Variants in PDE8B observed in about 807,000 individuals in gnomAD.
PDE8B encodes the protein phosphodiesterase 8B.
A neutral mutation model predicts 101.3 loss-of-function variants in PDE8B; 26 were observed. The observed-to-expected ratio is 0.26, with a 90% CI of 0.19 to 0.36. PDE8B has a LOEUF of 0.36. PDE8B is among the 10% of genes least tolerant of loss of function. The probability of loss-of-function intolerance (pLI) is 1.00; values close to 1 mark genes in which losing one functional copy is unlikely to be tolerated. For synonymous variants in PDE8B, 424 were observed against 429.3 expected, an observed-to-expected ratio of 0.99 and a Z score of 0.15; for missense variants, 810 against 1,163.1, an observed-to-expected ratio of 0.70 and a Z score of 4.42.
intron 1 of PDE8B, among the ~76,000 whole-genome samples, chr5:77,306,542 C>T (rs977373400): frequency 2.6e-5 from 4 of 152,158 alleles, no homozygotes; most frequent in African/African-American, 9.7e-5. Flanking sequence ...AGGGCAAGGG[C>T]GTTGGAGCAG....
chr5:77,159,373 A>C, the PDE8B span, among the ~76,000 whole-genome samples: 3 of 152,204 alleles, frequency 2.0e-5, no homozygotes, highest in Admixed American at 2.0e-4. Context: ...GCCAGCAGAT[A>C]TAAAGCAGGC....
At chr5:77,240,190 A>G (rs940198184) in intron 1 of PDE8B, among the ~76,000 whole-genome samples, 3 of 151,744 alleles carry the variant, frequency 2.0e-5, no homozygotes, top group Admixed American at 1.3e-4. Context: ...GTCTCGCTCT[A>G]TTGCCCAGGC....
chr5:77,407,747 T>C (rs1312131749), intron 13 of PDE8B, among the ~76,000 whole-genome samples: 4 of 151,912 alleles, frequency 2.6e-5, no homozygotes, highest in Non-Finnish European at 5.9e-5. Flanking sequence ...AAGCATAAGA[T>C]GTTACTCAGG....
chr5:77,412,252 G>C lies in PDE8B; in HGVS notation c.1712+17G>C. On this transcript the variant is annotated intron_variant, in intron 16 of 21. Coordinates refer to ENST00000264917, the MANE Select transcript of PDE8B (RefSeq NM_003719.5). ...GCATAAAAGGTATGTGACTTCTCTG[G>C]CTGAAGGCAGAGCAGGATTGATGGC... is the stretch of plus-strand genomic sequence containing the variant. 6.2e-7 allele frequency: 1 copy of C among 1,613,056 alleles called. No individual in the cohort carries two copies. Among genetic ancestry groups the C allele is most frequent in the Non-Finnish European group, 8.5e-7 (1 of 1,179,202 alleles).
At chr5:77,115,857 T>C in the PDE8B span, among the ~76,000 whole-genome samples, 6 of 152,226 alleles carry the variant, frequency 3.9e-5, no homozygotes, top group African/African-American at 1.4e-4. Context: ...ATGCCTATTG[T>C]ATCCATCTGA....
intron 10 of PDE8B, among the ~76,000 whole-genome samples, chr5:77,364,917 C>T (rs1783839051): frequency 6.6e-6 from 1 of 152,164 alleles, no homozygotes; most frequent in South Asian, 2.1e-4. Flanking sequence ...TTTCAGATCA[C>T]TGGAACTGTT....
intron 1 of PDE8B, among the ~76,000 whole-genome samples, chr5:77,249,042 C>G (rs1757536824): frequency 6.6e-6 from 1 of 152,114 alleles, no homozygotes; most frequent in African/African-American, 2.4e-5. Flanking sequence ...TTTAAGGCAC[C>G]CAGTCTATGG....
intron 3 of PDE8B, among the ~76,000 whole-genome samples, chr5:77,328,093 G>C (rs1301407702): frequency 6.6e-6 from 1 of 152,178 alleles, no homozygotes; most frequent in Admixed American, 6.5e-5. Context: ...GAGTAATTCT[G>C]TTCTTGGAGA....
At chr5:77,194,728 A>G in the PDE8B span, among the ~76,000 whole-genome samples, 1 of 152,126 alleles carries the variant, frequency 6.6e-6, no homozygotes, top group African/African-American at 2.4e-5. Context: ...TTCACTTAGC[A>G]TTTTTTAAAG....
chr5:77,157,521 C>G, the PDE8B span, among the ~76,000 whole-genome samples: 1 of 152,182 alleles, frequency 6.6e-6, no homozygotes. Flanking sequence ...AGTTAAGAGA[C>G]AATCACAACG....
chr5:77,367,338 T>C (rs1314957768), intron 10 of PDE8B, among the ~76,000 whole-genome samples: 1 of 152,066 alleles, frequency 6.6e-6, no homozygotes, highest in African/African-American at 2.4e-5. Flanking sequence ...GTGGAGAGTG[T>C]AGAAGCAGAT....
At chr5:77,263,921 C>A (rs557216839) in intron 1 of PDE8B, among the ~76,000 whole-genome samples, 2 of 152,274 alleles carry the variant, frequency 1.3e-5, no homozygotes, top group Admixed American at 1.3e-4. Context: ...TCTACATTAG[C>A]AGTCACTACC....
chr5:77,413,346 G>A (rs1581571514), intron 17 of PDE8B, 37 bp downstream of exon 17: 1 of 1,547,420 alleles, frequency 6.5e-7, no homozygotes, highest in Non-Finnish European at 8.9e-7. Flanking sequence ...TACCTGCCTG[G>A]ATTGGAGATC....
intron 11 of PDE8B, among the ~76,000 whole-genome samples, chr5:77,402,749 T>A (rs1202634341): frequency 6.6e-6 from 1 of 152,228 alleles, no homozygotes; most frequent in East Asian, 1.9e-4. Context: ...GATGCTATCA[T>A]TACCCCCACT....
the PDE8B span, among the ~76,000 whole-genome samples, chr5:77,095,056 C>G: frequency 6.6e-6 from 1 of 152,126 alleles, no homozygotes; most frequent in Non-Finnish European, 1.5e-5. Flanking sequence ...AAGGTAGATG[C>G]CTAAAGATTT....
intron 1 of PDE8B, among the ~76,000 whole-genome samples, chr5:77,307,188 C>G (rs1771413847): frequency 6.6e-6 from 1 of 152,120 alleles, no homozygotes; most frequent in Non-Finnish European, 1.5e-5. Flanking sequence ...TTTCTCCCCA[C>G]CAGCACCTTC....
At chr5:77,290,601 T>A (rs1053701435) in intron 1 of PDE8B, 1 of 1,507,756 alleles carries the variant, frequency 6.6e-7, no homozygotes, top group South Asian at 1.1e-5. Flanking sequence ...GGGGAAAATC[T>A]TAGTGGAAGG....
At chr5:77,192,006 T>C in the PDE8B span, among the ~76,000 whole-genome samples, 1 of 152,106 alleles carries the variant, frequency 6.6e-6, no homozygotes, top group Admixed American at 6.5e-5. Context: ...GGTTCGCACT[T>C]CTATGAGAAC....
chr5:77,259,219 C>T (rs1168995562), intron 1 of PDE8B, among the ~76,000 whole-genome samples: 3 of 152,022 alleles, frequency 2.0e-5, no homozygotes, highest in East Asian at 1.9e-4. Context: ...CCCCTCACTC[C>T]GGTGGCAGTC....
Sources: allele counts gnomAD v4.1 joint callset (sites outside exome capture counted in the v4.1 genomes callset), GRCh38; gene constraint gnomAD v4.1.1; transcripts MANE v1.5; gene names NCBI Gene and HGNC (gene_info 2026-07-23, HGNC 2026-07-21).